Variants in RBFOX1 observed in about 807,000 individuals in gnomAD.
RBFOX1 encodes RNA binding fox-1 homolog 1, also known as RNA binding protein fox-1 homolog 1.
RBFOX1 carries 8 observed loss-of-function variants against 57.7 expected under a neutral mutation model. That is an observed-to-expected ratio of 0.14 (90% CI 0.08 to 0.25). The LOEUF (loss-of-function observed/expected upper bound fraction) is 0.25, where lower values mean the gene tolerates loss of function less well. Ranked by LOEUF, RBFOX1 falls within the 10% of genes least tolerant of loss-of-function variation. RBFOX1 has a pLI of 1.00. For missense variants in RBFOX1, 611 were observed against 548.5 expected, an observed-to-expected ratio of 1.11 and a Z score of -1.14; for synonymous variants, 326 against 222.4, an observed-to-expected ratio of 1.47 and a Z score of -4.15.
chr16:7,236,888 C>T (rs562193161), intron 4 of RBFOX1, among the ~76,000 whole-genome samples: 2 of 152,078 alleles, frequency 1.3e-5, no homozygotes, highest in Non-Finnish European at 2.9e-5. Flanking sequence ...TCTAGAATGG[C>T]TGTTGTTGGG....
chr16:7,000,616 T>TTTC (rs1485009773), intron 3 of RBFOX1, among the ~76,000 whole-genome samples: 4 of 140,944 alleles, frequency 2.8e-5, no homozygotes, highest in African/African-American at 1.1e-4. Context: ...TTTTTTTTTT[T>TTTC]TGAGACAGAG....
chr16:5,784,019 A>G (rs2054413019), intron 3 of RBFOX1, among the ~76,000 whole-genome samples: 1 of 152,198 alleles, frequency 6.6e-6, no homozygotes, highest in South Asian at 2.1e-4. Context: ...TTTATAAATA[A>G]AAGAGGTTTA....
chr16:7,257,608 C>G (rs1253821614), intron 4 of RBFOX1, among the ~76,000 whole-genome samples: 2 of 152,158 alleles, frequency 1.3e-5, no homozygotes, highest in African/African-American at 2.4e-5. Context: ...CCAAGAGCCC[C>G]TTCCCGAGAA....
At chr16:5,308,292 A>G (rs966296717) in intron 1 of RBFOX1, among the ~76,000 whole-genome samples, 8 of 151,094 alleles carry the variant, frequency 5.3e-5, no homozygotes, top group African/African-American at 1.9e-4. Flanking sequence ...GCGCCACTAC[A>G]CTCTAGCCTG....
At chr16:5,598,471 A>G (rs1257738227) in intron 2 of RBFOX1, among the ~76,000 whole-genome samples, 1 of 152,216 alleles carries the variant, frequency 6.6e-6, no homozygotes, top group Non-Finnish European at 1.5e-5. Context: ...ATTAACTGTA[A>G]TAATAAACTT....
chr16:7,013,864 C>T (rs1360903655), intron 3 of RBFOX1, among the ~76,000 whole-genome samples: 2 of 152,098 alleles, frequency 1.3e-5, no homozygotes, highest in Non-Finnish European at 1.5e-5. Flanking sequence ...CACCATGTTA[C>T]CCAGGTCATT....
chr16:6,040,592 CTTAT>C (rs113242373), intron 1 of RBFOX1, among the ~76,000 whole-genome samples: 7 of 150,610 alleles, frequency 4.6e-5, no homozygotes, highest in South Asian at 2.1e-4. Context: ...CTCTTTCTTT[CTTAT>C]TTATTTATTT....
intron 3 of RBFOX1, among the ~76,000 whole-genome samples, chr16:6,851,069 C>T (rs887603955): frequency 5.3e-5 from 8 of 152,162 alleles, no homozygotes; most frequent in African/African-American, 1.9e-4. Context: ...ATGATAGACA[C>T]ACAACAACTA....
At chr16:6,432,501 A>G (rs1282131820) in intron 2 of RBFOX1, among the ~76,000 whole-genome samples, 1 of 149,082 alleles carries the variant, frequency 6.7e-6, no homozygotes, top group Non-Finnish European at 1.5e-5. Flanking sequence ...GTGTAACCTC[A>G]TCTTTACTAA....
intron 6 of RBFOX1, 25 bp downstream of exon 6, chr16:7,579,945 A>C (rs2093623943): frequency 6.2e-7 from 1 of 1,612,004 alleles, no homozygotes; most frequent in African/African-American, 1.3e-5. Flanking sequence ...TCTTCCCAGC[A>C]GTGCCCGCTC....
At chr16:6,882,666 G>T (rs940348643) in intron 3 of RBFOX1, among the ~76,000 whole-genome samples, 1 of 152,090 alleles carries the variant, frequency 6.6e-6, no homozygotes, top group African/African-American at 2.4e-5. Context: ...CACTTGGCAG[G>T]TACCCATTGG....
chr16:5,498,510 T>G (rs1267393175), intron 2 of RBFOX1, among the ~76,000 whole-genome samples: 1 of 152,144 alleles, frequency 6.6e-6, no homozygotes, highest in East Asian at 1.9e-4. Flanking sequence ...TGATTTGTGT[T>G]TCTAGAAGAT....
chr16:6,705,899 T>A (rs532128676), intron 3 of RBFOX1, among the ~76,000 whole-genome samples: 54 of 152,156 alleles, frequency 3.5e-4, no homozygotes, highest in Admixed American at 9.8e-4. Flanking sequence ...ATGTCTCTAG[T>A]CCCAACTACT....
At chr16:5,457,995 A>G (rs2068681256) in intron 1 of RBFOX1, among the ~76,000 whole-genome samples, 1 of 152,160 alleles carries the variant, frequency 6.6e-6, no homozygotes. Context: ...CAACTTGAAT[A>G]GCCTCCCCTC....
Position 6,533,800 on chromosome 16 carries a change from C to G in RBFOX1, c.-63-120803C>G, listed in dbSNP as rs553628949. On this transcript the variant is annotated intron_variant, in intron 2 of 15. Coordinates refer to ENST00000550418, the MANE Select transcript of RBFOX1 (RefSeq NM_018723.4). ...CCTGGAAGGGAACATAAACATCTGC[C>G]TTTGAAAACTGAGCATGGTCAACAT... Among the ~76,000 whole-genome samples, 5 of 152,248 alleles carry G rather than the reference C, an allele frequency of 3.3e-5. No homozygotes were observed. In the South Asian group the frequency reaches 8.3e-4, roughly 25 times the overall value.
chr16:6,114,076 G>C (rs1001646465), intron 1 of RBFOX1, among the ~76,000 whole-genome samples: 1 of 152,164 alleles, frequency 6.6e-6, no homozygotes, highest in African/African-American at 2.4e-5. Context: ...TCTCTAGATA[G>C]GTATGTTCTC....
chr16:6,345,943 A>C (rs959798663), intron 2 of RBFOX1, among the ~76,000 whole-genome samples: 1 of 152,182 alleles, frequency 6.6e-6, no homozygotes, highest in Non-Finnish European at 1.5e-5. Flanking sequence ...CTCGAAACAA[A>C]GGCAGGAAGA....
rs1304120752 is a variant in RBFOX1, at chr16:7,206,046, TA to T, written c.27+153949del. Reference sequence around the variant, plus strand: ...CCCACCCAGAGGCGAGTAGGATGTTTAGTTTTACTTAGACTGACACTAGGAA... The same window carrying T: ...CCCACCCAGAGGCGAGTAGGATGTTTGTTTTACTTAGACTGACACTAGGAA... On this transcript the variant is annotated intron_variant, in intron 4 of 15. Coordinates refer to ENST00000550418, the MANE Select transcript of RBFOX1 (RefSeq NM_018723.4). Among the ~76,000 whole-genome samples, 5 of 152,368 alleles carry T rather than the reference TA, an allele frequency of 3.3e-5. No individual in the cohort carries two copies. The East Asian group carries it at 9.6e-4, about 29-fold the overall frequency.
At chr16:6,896,882 G>A (rs562714397) in intron 3 of RBFOX1, among the ~76,000 whole-genome samples, 1 of 152,102 alleles carries the variant, frequency 6.6e-6, no homozygotes. Flanking sequence ...GAAATGATTA[G>A]GGAATTTAGG....
Sources: gnomAD v4.1 joint callset for allele counts (sites outside exome capture counted in the v4.1 genomes callset) on GRCh38, gnomAD v4.1.1 for gene constraint, MANE v1.5 for transcripts, NCBI Gene and HGNC (gene_info 2026-07-23, HGNC 2026-07-21) for gene names.